The following SDK1 variants were observed in gnomAD, a reference collection of about 807,000 sequenced individuals.
SDK1 encodes protein sidekick-1.
In SDK1, 157 loss-of-function variants were observed where a neutral mutation model predicts 245.5. The ratio of observed to expected loss-of-function variants is 0.64; its 90% CI spans 0.56 to 0.73. The LOEUF is 0.73. SDK1 is among the 30% of genes least tolerant of loss of function. The pLI is 0.00. For synonymous variants in SDK1, 1,647 were observed against 1,278.5 expected, an observed-to-expected ratio of 1.29 and a Z score of -6.15; for missense variants, 3,583 against 3,002.3, an observed-to-expected ratio of 1.19 and a Z score of -4.52.
intron 1 of SDK1, among the ~76,000 whole-genome samples, chr7:3,560,118 G>A (rs957276488): frequency 2.6e-5 from 4 of 152,156 alleles, no homozygotes; most frequent in Non-Finnish European, 4.4e-5. Context: ...CTTTGTATTA[G>A]GAATGTTTGT....
In SDK1 at chr7:3,436,450, C is replaced by G. The variant is rs376693876; in HGVS notation, c.298+134566C>G. Among the ~76,000 whole-genome samples the G allele has an allele frequency of 8.5e-4, 130 of 152,128 alleles. 1 individual carries two copies. Among genetic ancestry groups the G allele is most frequent in the African/African-American group, 3.0e-3 (123 of 41,504 alleles). Reference sequence around the variant, plus strand: ...CTTCTGCTGTATTAATTTTGTCATGCTTGTCATTCTAATCTAATGATGATT... The same window carrying G: ...CTTCTGCTGTATTAATTTTGTCATGGTTGTCATTCTAATCTAATGATGATT... On this transcript the variant is annotated intron_variant, in intron 1 of 44. Coordinates refer to ENST00000404826, the MANE Select transcript of SDK1 (RefSeq NM_152744.4).
intron 5 of SDK1, among the ~76,000 whole-genome samples, chr7:3,877,703 T>C (rs1781108679): frequency 6.6e-6 from 1 of 152,240 alleles, no homozygotes; most frequent in South Asian, 2.1e-4. Flanking sequence ...TTTCAAACTT[T>C]TTTTTCTATG....
At chr7:3,561,334 C>G (rs940868934) in intron 1 of SDK1, among the ~76,000 whole-genome samples, 10 of 152,198 alleles carry the variant, frequency 6.6e-5, no homozygotes, top group African/African-American at 2.4e-4. Flanking sequence ...ATCTGAGCTG[C>G]TTTCCTTGGG....
At chr7:3,753,139 T>G (rs1480619988) in intron 4 of SDK1, among the ~76,000 whole-genome samples, 1 of 152,174 alleles carries the variant, frequency 6.6e-6, no homozygotes, top group African/African-American at 2.4e-5. Context: ...GGCGGCAATA[T>G]TTTCAGGAAT....
At chr7:3,644,847 A>G (rs1782777491) in intron 4 of SDK1, among the ~76,000 whole-genome samples, 1 of 150,524 alleles carries the variant, frequency 6.6e-6, no homozygotes, top group East Asian at 1.9e-4. Context: ...ACATTCTTGT[A>G]TAAATATTCT....
intron 4 of SDK1, among the ~76,000 whole-genome samples, chr7:3,659,803 T>C (rs1396647692): frequency 1.3e-5 from 2 of 152,194 alleles, no homozygotes; most frequent in Non-Finnish European, 2.9e-5. Flanking sequence ...GCAGCCCAGA[T>C]GAAGACAGGG....
chr7:3,579,496 C>T (rs1003049134), intron 1 of SDK1, among the ~76,000 whole-genome samples: 5 of 152,310 alleles, frequency 3.3e-5, no homozygotes, highest in South Asian at 4.1e-4. Flanking sequence ...TAAAAACTCT[C>T]AATAAACTAC....
At chr7:3,669,240 T>C (rs1461853937) in intron 4 of SDK1, among the ~76,000 whole-genome samples, 1 of 152,226 alleles carries the variant, frequency 6.6e-6, no homozygotes, top group Non-Finnish European at 1.5e-5. Context: ...TGGAAAGCAG[T>C]GTAGGAGCAG....
chr7:3,533,029 AAAATC>A (rs372489386), intron 1 of SDK1, among the ~76,000 whole-genome samples: 17 of 152,362 alleles, frequency 1.1e-4, no homozygotes, highest in Admixed American at 4.6e-4. Context: ...AATGAGTAGA[AAAATC>A]AAAACAGTCC....
chr7:4,113,919 T>C (rs1445247391), intron 24 of SDK1, 118 bp from the exon 25 acceptor site: 7 of 723,592 alleles, frequency 9.7e-6, no homozygotes, highest in East Asian at 2.6e-5. Flanking sequence ...CTAAGACTAT[T>C]TCCCCCAGGA....
At chr7:3,559,614 T>C (rs1047322566) in intron 1 of SDK1, among the ~76,000 whole-genome samples, 1 of 152,198 alleles carries the variant, frequency 6.6e-6, no homozygotes, top group Admixed American at 6.5e-5. Context: ...TTTCACTTTA[T>C]CTGCCTGCAG....
rs147401628 is a variant in SDK1 at position 3,890,873 on chromosome 7, G to A, written c.848-60050G>A. ...AGGAGAATCGCTTGAACCCAGGAGG[G>A]GGAGGTTGCAGTGAGCCGAAAGCAC... On this transcript the variant is annotated intron_variant, in intron 5 of 44. Coordinates refer to ENST00000404826, the MANE Select transcript of SDK1 (RefSeq NM_152744.4). Among the ~76,000 whole-genome samples the A allele has an allele frequency of 1.9e-3, 294 of 152,232 alleles. 1 individual carries two copies. Among genetic ancestry groups the A allele is most frequent in the African/African-American group, 6.5e-3 (269 of 41,538 alleles).
chr7:4,168,624 G>A lies in SDK1; in HGVS notation c.4801-5598G>A, dbSNP rs139078851. ...TTCCCTCCTCCCCCAGAAGTAAATTGCACTCTCTGTAATCCTGTCTTGTCT... is the reference window on the plus strand; with the variant it reads ...TTCCCTCCTCCCCCAGAAGTAAATTACACTCTCTGTAATCCTGTCTTGTCT... On this transcript the variant is annotated intron_variant, in intron 32 of 44. Transcript: ENST00000404826. 1.4e-4 allele frequency among the ~76,000 whole-genome samples: 21 copies of A among 152,286 alleles called. No individual in the cohort carries two copies. In the East Asian group the frequency reaches 3.1e-3, roughly 23 times the overall value.
chr7:4,092,914 G>A (rs1398594536), intron 22 of SDK1, among the ~76,000 whole-genome samples: 2 of 152,176 alleles, frequency 1.3e-5, no homozygotes, highest in African/African-American at 2.4e-5. Flanking sequence ...GAGTGTTCAC[G>A]TTTCTTCCCT....
At chr7:3,540,703 T>C (rs1409643216) in intron 1 of SDK1, among the ~76,000 whole-genome samples, 1 of 152,186 alleles carries the variant, frequency 6.6e-6, no homozygotes, top group African/African-American at 2.4e-5. Flanking sequence ...TCTGTGACAC[T>C]GGTATCACTT....
chr7:3,421,154 A>G (rs1337615811), intron 1 of SDK1, among the ~76,000 whole-genome samples: 2 of 146,818 alleles, frequency 1.4e-5, no homozygotes, highest in Non-Finnish European at 3.0e-5. Flanking sequence ...TCACTGCAAC[A>G]TTTGCCTCCT....
intron 4 of SDK1, among the ~76,000 whole-genome samples, chr7:3,665,700 T>C (rs549221778): frequency 6.6e-6 from 1 of 152,280 alleles, no homozygotes; most frequent in East Asian, 1.9e-4. Flanking sequence ...GTGCCATTCA[T>C]TGAGCATTGG....
intron 1 of SDK1, among the ~76,000 whole-genome samples, chr7:3,378,566 C>G (rs1487201681): frequency 6.6e-6 from 1 of 152,070 alleles, no homozygotes; most frequent in Non-Finnish European, 1.5e-5. Context: ...GGCTGTGACT[C>G]CAAAGCCTGC....
chr7:4,064,319 A>T (rs1301025460), intron 19 of SDK1, among the ~76,000 whole-genome samples: 1 of 152,184 alleles, frequency 6.6e-6, no homozygotes, highest in Non-Finnish European at 1.5e-5. Context: ...TCTATGAAAA[A>T]ATGCCCAGTA....
Sources: allele counts gnomAD v4.1 joint callset (sites outside exome capture counted in the v4.1 genomes callset), GRCh38; gene constraint gnomAD v4.1.1; transcripts MANE v1.5; gene names NCBI Gene and HGNC (gene_info 2026-07-23, HGNC 2026-07-21).